The following TENM3 variants were observed in gnomAD, a reference collection of about 807,000 sequenced individuals.
TENM3 encodes teneurin-3.
TENM3 carries 63 observed loss-of-function variants against 255.1 expected under a neutral mutation model. The observed-to-expected ratio is 0.25, with a 90% CI of 0.20 to 0.30. The LOEUF is 0.30. Among genes scored for constraint, TENM3 ranks in the 10% least tolerant of loss-of-function variants. The probability of loss-of-function intolerance (pLI) is 1.00; values close to 1 mark genes in which losing one functional copy is unlikely to be tolerated. For synonymous variants in TENM3, 1,306 were observed against 1,322.3 expected (o/e 0.99, Z 0.27); for missense variants, 2,929 against 3,461.1 (o/e 0.85, Z 3.86).
chr4:182,081,562 C>T, the TENM3 span, among the ~76,000 whole-genome samples: 30 of 123,152 alleles, frequency 2.4e-4, no homozygotes, highest in Admixed American at 3.4e-4. Context: ...CCAGCCTGGG[C>T]GACAGAGTGA....
chr4:181,684,072 T>C, the TENM3 span, among the ~76,000 whole-genome samples: 1 of 152,196 alleles, frequency 6.6e-6, no homozygotes, highest in Admixed American at 6.5e-5. Flanking sequence ...TGAGGCAGTT[T>C]TTAGCTGAAA....
At chr4:181,949,331 T>G in the TENM3 span, among the ~76,000 whole-genome samples, 1 of 152,220 alleles carries the variant, frequency 6.6e-6, no homozygotes, top group East Asian at 1.9e-4. Context: ...TTTATAGACC[T>G]TTTATTCATG....
At chr4:181,887,099 C>G in the TENM3 span, among the ~76,000 whole-genome samples, 1 of 152,016 alleles carries the variant, frequency 6.6e-6, no homozygotes, top group African/African-American at 2.4e-5. Context: ...TCCTGCTCAC[C>G]TTATTTCCCC....
the TENM3 span, among the ~76,000 whole-genome samples, chr4:181,590,737 A>T: frequency 3.3e-5 from 5 of 152,214 alleles, no homozygotes; most frequent in Admixed American, 2.0e-4. Context: ...GAGAAATTTC[A>T]GATATTTGAA....
the TENM3 span, among the ~76,000 whole-genome samples, chr4:181,916,280 A>G: frequency 2.0e-4 from 30 of 152,322 alleles, no homozygotes; most frequent in Admixed American, 2.0e-3. Flanking sequence ...CCTTTCTAAC[A>G]TCGAATTAGA....
intron 1 of TENM3, among the ~76,000 whole-genome samples, chr4:182,295,261 C>CTTTTTTTTTTTTTTT (rs752005972): frequency 1.7e-4 from 12 of 70,442 alleles, no homozygotes; most frequent in Non-Finnish European, 2.8e-4. Flanking sequence ...CTTTGCTTTT[C>CTTTTTTTTTTTTTTT]TTTTTTTTTT....
the TENM3 span, among the ~76,000 whole-genome samples, chr4:181,687,772 C>T: frequency 1.9e-4 from 29 of 152,114 alleles, no homozygotes; most frequent in Admixed American, 1.4e-3. Flanking sequence ...GTAGTAAAGC[C>T]TGGTCAGCCC....
the TENM3 span, among the ~76,000 whole-genome samples, chr4:181,626,457 C>T: frequency 3.3e-5 from 5 of 152,252 alleles, no homozygotes; most frequent in Non-Finnish European, 7.3e-5. Context: ...CTGCAGGCTG[C>T]ACAAGCATGG....
At chr4:181,981,306 C>G in the TENM3 span, among the ~76,000 whole-genome samples, 2,100 of 152,254 alleles carry the variant, frequency 0.014, 43 homozygotes, top group African/African-American at 0.047. Context: ...CTAATCCATG[C>G]ATATTTTGAC....
chr4:182,110,155 C>G, the TENM3 span, among the ~76,000 whole-genome samples: 2 of 151,518 alleles, frequency 1.3e-5, no homozygotes, highest in Non-Finnish European at 2.9e-5. Flanking sequence ...AGTTCAGTGT[C>G]CATGAATAAA....
At chr4:181,901,878 C>A in the TENM3 span, among the ~76,000 whole-genome samples, 2 of 151,334 alleles carry the variant, frequency 1.3e-5, no homozygotes, top group East Asian at 3.9e-4. Context: ...TCCTTCATTC[C>A]CCCCCACCCA....
chr4:182,271,183 A>C (rs535220838), intron 1 of TENM3, among the ~76,000 whole-genome samples: 1 of 152,268 alleles, frequency 6.6e-6, no homozygotes, highest in African/African-American at 2.4e-5. Context: ...CTGTTTCTGT[A>C]GAACAGGATT....
At chr4:182,410,027 G>T (rs564727842) in intron 3 of TENM3, among the ~76,000 whole-genome samples, 3 of 152,002 alleles carry the variant, frequency 2.0e-5, no homozygotes, top group Admixed American at 6.6e-5. Flanking sequence ...GGGTTTCACC[G>T]TGTTGCTCAG....
At chr4:181,948,319 G>T in the TENM3 span, among the ~76,000 whole-genome samples, 1 of 152,072 alleles carries the variant, frequency 6.6e-6, no homozygotes, top group South Asian at 2.1e-4. Context: ...GATATAAAAC[G>T]AATTTAATTT....
intron 26 of TENM3, among the ~76,000 whole-genome samples, chr4:182,794,280 T>C (rs1204608665): frequency 6.6e-6 from 1 of 152,230 alleles, no homozygotes; most frequent in Admixed American, 6.5e-5. Flanking sequence ...TTCCCTTAAC[T>C]ATAAAATTGG....
the TENM3 span, among the ~76,000 whole-genome samples, chr4:181,999,721 C>T: frequency 1.3e-5 from 2 of 152,094 alleles, no homozygotes; most frequent in Non-Finnish European, 2.9e-5. Flanking sequence ...TACAGCCCAT[C>T]CATAAGTTTC....
chr4:181,595,447 A>AAAAAAAACAG, the TENM3 span, among the ~76,000 whole-genome samples: 2 of 126,852 alleles, frequency 1.6e-5, no homozygotes, highest in Non-Finnish European at 3.8e-5. Flanking sequence ...AAAAAAAAAA[A>AAAAAAAACAG]AAAAAAACAA....
intron 1 of TENM3, among the ~76,000 whole-genome samples, chr4:182,181,438 C>T (rs1402304352): frequency 6.6e-6 from 1 of 152,216 alleles, no homozygotes; most frequent in Non-Finnish European, 1.5e-5. Flanking sequence ...AGCTCAGCTT[C>T]TTAACAAAAC....
At chr4:182,153,040 G>A (rs1750452516) in intron 1 of TENM3, among the ~76,000 whole-genome samples, 2 of 151,446 alleles carry the variant, frequency 1.3e-5, no homozygotes, top group Non-Finnish European at 3.0e-5. Context: ...TCTACACTTG[G>A]GCTTTTATCT....
Sources: allele counts gnomAD v4.1 joint callset (sites outside exome capture counted in the v4.1 genomes callset), GRCh38; gene constraint gnomAD v4.1.1; transcripts MANE v1.5; gene names NCBI Gene and HGNC (gene_info 2026-07-23, HGNC 2026-07-21).